PAK1IP1: variants seen among roughly 807,000 people sequenced by gnomAD.
The protein encoded by PAK1IP1 is PAK1 interacting protein 1.
In PAK1IP1, 24 loss-of-function variants were observed where a neutral mutation model predicts 42.0. That is an observed-to-expected ratio of 0.57 (90% CI 0.41 to 0.80). PAK1IP1 has a LOEUF of 0.80. Among genes scored for constraint, PAK1IP1 ranks in the 30% least tolerant of loss-of-function variants. The probability of loss-of-function intolerance (pLI) is 0.00; values close to 1 mark genes in which losing one functional copy is unlikely to be tolerated. For missense variants in PAK1IP1, 411 were observed against 467.9 expected (o/e 0.88, Z 1.12); for synonymous variants, 154 against 156.7 (o/e 0.98, Z 0.13).
At chr6:10,704,959 A>G (rs1770155611) in intron 7 of PAK1IP1, 115 bp downstream of exon 7, 11 of 712,358 alleles carry the variant, frequency 1.5e-5, no homozygotes, top group South Asian at 1.4e-4. Flanking sequence ...AATCAGACAT[A>G]TCTACATGTA....
At position 10,702,505 on chromosome 6, in the gene PAK1IP1, TC is replaced by T. The variant is rs763018689; in HGVS notation, c.368+19del. ...AAGCTCACAAGTGAGTCGGGCTCTT[TC>T]CCTTTGGCATTCTCGATGTGCCAGT... On this transcript the variant is annotated intron_variant, in intron 3 of 9. Transcript: ENST00000379568. The T allele has an allele frequency of 1.2e-6, 2 of 1,614,036 alleles. No individual in the cohort carries two copies. Among genetic ancestry groups the T allele is most frequent in the Non-Finnish European group, 1.7e-6 (2 of 1,180,040 alleles).
intron 5 of PAK1IP1, 21 bp from the exon 6 acceptor site, chr6:10,704,486 T>G (rs1404167096): frequency 4.8e-6 from 7 of 1,461,280 alleles, no homozygotes; most frequent in Non-Finnish European, 6.5e-6. Context: ...ATAAATAAAC[T>G]TCGTTTTTTT....
At chr6:10,691,835 T>G (rs529002628), upstream of PAK1IP1, among the ~76,000 whole-genome samples, 21 of 151,452 alleles carry the variant, frequency 1.4e-4, no homozygotes, top group South Asian at 1.0e-3. Flanking sequence ...AGTTTTGGGG[T>G]TTTTTTTTCT....
chr6:10,694,901 GTGT>G (rs1769735102), upstream of PAK1IP1: 4 of 812,478 alleles, frequency 4.9e-6, no homozygotes, highest in East Asian at 2.5e-5. Flanking sequence ...AAGGAGTCAG[GTGT>G]TTTTTTTTTT....
upstream of PAK1IP1, chr6:10,694,910 T>G (rs879133674): frequency 1.9e-4 from 169 of 903,322 alleles, no homozygotes; most frequent in East Asian, 1.1e-3. Context: ...GGTGTTTTTT[T>G]TTTTTTTTTT....
At chr6:10,707,556 C>G (rs752915662) in intron 8 of PAK1IP1, 42 bp downstream of exon 8, 2 of 1,234,546 alleles carry the variant, frequency 1.6e-6, no homozygotes, top group Non-Finnish European at 2.4e-6. Context: ...TAATACAAGT[C>G]TTGCTCATAA....
chr6:10,709,509 C>G lies in PAK1IP1; in HGVS notation c.*57C>G, dbSNP rs1295335003. 1 of 1,167,200 alleles carries G rather than the reference C, an allele frequency of 8.6e-7. No individual in the cohort carries two copies. Among genetic ancestry groups the G allele is most frequent in the Non-Finnish European group, 1.1e-6 (1 of 880,930 alleles). The allele number at this position is 1,167,200 out of a possible 1,614,324, so 72.3% of individuals were successfully genotyped here. A position where few individuals can be genotyped will look rare whatever the true frequency, so the allele number is the denominator to read the frequency against. ...GATGAAATCATTCTACTCAAATGTA[C>G]CTTAATTTTTTTTTTTTCCCTGAGT... On this transcript the variant is annotated 3_prime_UTR_variant, in exon 10 of 10. Coordinates refer to ENST00000379568, the MANE Select transcript of PAK1IP1 (RefSeq NM_017906.3).
rs753133647 is a variant in PAK1IP1 at position 10,703,407 on chromosome 6, C to T, written c.446C>T (p.Thr149Met). The T allele has an allele frequency of 1.2e-5, 20 of 1,609,328 alleles. No homozygotes were observed. The highest frequency in any genetic ancestry group is 1.6e-4 in the Middle Eastern group (1 of 6,068). ...TAAGTGAGCTTCCTGTTTTGCAGAA[C>T]GTGGAATCTTGTAGAAGGAAGATCA... Reference protein sequence around the residue: ...LSVGTDKTLRTWNLVEGRSAF... With the variant: ...LSVGTDKTLRMWNLVEGRSAF... The change falls in exon 5 of 10, where the codon ACG (threonine) becomes ATG (methionine). Residue 149 changes from threonine to methionine, a missense_variant and splice_region_variant. Transcript: ENST00000379568.
In PAK1IP1 at chr6:10,697,418, A is replaced by G. The variant is rs139672454; in HGVS notation, c.179A>G (p.Lys60Arg). 6.2e-7 allele frequency: 1 copy of G among 1,613,970 alleles called. No individual in the cohort carries two copies. Among genetic ancestry groups the G allele is most frequent in the African/African-American group, 1.3e-5 (1 of 74,918 alleles). ...AGTCGTTTTGTGGTCACTGGGAGCA[A>G]AGATGAAACAATTCACATTTATGAC... Reference protein sequence around the residue: ...VNSRFVVTGSKDETIHIYDMK... With the variant: ...VNSRFVVTGSRDETIHIYDMK... Residue 60 changes from lysine (K) to arginine (R), a missense_variant, in exon 2 of 10, where the codon AAA (lysine) becomes AGA (arginine). Physicochemically the swap from Lys to Arg is conservative, Grantham distance 26 (BLOSUM62 2). Transcript: ENST00000379568.
Position 10,704,847 on chromosome 6 carries a change from A to AT in PAK1IP1, c.740+8dup, listed in dbSNP as rs773827629. ...GAATTTAAAGCTCATGAAAACAGGT[A>AT]TTTTTACCAATCTTTGGTGTATATG... On this transcript the variant is annotated splice_donor_region_variant and intron_variant, in intron 7 of 9. Coordinates refer to ENST00000379568, the MANE Select transcript of PAK1IP1 (RefSeq NM_017906.3). 1.0e-5 allele frequency: 16 copies of AT among 1,564,800 alleles called. No individual in the cohort carries two copies. Among genetic ancestry groups the AT allele is most frequent in the Middle Eastern group, 1.7e-4 (1 of 5,984 alleles).
chr6:10,695,822 G>A (rs1037955810), intron 1 of PAK1IP1, among the ~76,000 whole-genome samples: 1 of 152,046 alleles, frequency 6.6e-6, no homozygotes, highest in African/African-American at 2.4e-5. Context: ...TCAAGGCGTC[G>A]GTCTTTAATT....
intron 2 of PAK1IP1, among the ~76,000 whole-genome samples, chr6:10,701,514 A>G (rs1170394429): frequency 6.6e-6 from 1 of 152,222 alleles, no homozygotes; most frequent in Non-Finnish European, 1.5e-5. Context: ...GCTAATAGAT[A>G]AGCTTTTTTC....
At chr6:10,699,438 GC>G (rs1695069558) in intron 2 of PAK1IP1, among the ~76,000 whole-genome samples, 1 of 152,100 alleles carries the variant, frequency 6.6e-6, no homozygotes, top group African/African-American at 2.4e-5. Flanking sequence ...TGCAGGGGAG[GC>G]AAAGGTCACT....
chr6:10,698,451 A>G (rs1307809338), intron 2 of PAK1IP1, among the ~76,000 whole-genome samples: 1 of 152,254 alleles, frequency 6.6e-6, no homozygotes, highest in African/African-American at 2.4e-5. Context: ...ACCTGGGCCT[A>G]GAGCCCATGC....
chr6:10,695,145 G>T, intron 1 of PAK1IP1, 76 bp downstream of exon 1: 1 of 846,530 alleles, frequency 1.2e-6, no homozygotes, highest in South Asian at 1.4e-5. Flanking sequence ...CAGCAGAGGT[G>T]AACATTGGAG....
At chr6:10,695,875 GTTTAT>G (rs147027204) in intron 1 of PAK1IP1, among the ~76,000 whole-genome samples, 7,178 of 152,086 alleles carry the variant, frequency 0.047, 545 homozygotes, top group African/African-American at 0.16. Context: ...TATTGCTTTC[GTTTAT>G]TTTGTTTCCT....
Position 10,697,347 on chromosome 6 carries a change from C to T in PAK1IP1, c.108C>T (p.Phe36=), listed in dbSNP as rs369987329. The T allele has an allele frequency of 6.2e-7, 1 of 1,613,948 alleles. No individual in the cohort carries two copies. ...DHEQWTLVAD[F]THHAHTASLS... is the part of the protein sequence containing the mutation. ...AGCAATGGACTCTTGTGGCTGACTT[C>T]ACTCACCATGCTCACACTGCCTCCT... The change falls in exon 2 of 10, where the codon TTC becomes TTT. Residue 36 remains phenylalanine, a synonymous_variant. Transcript: ENST00000379568.
At chr6:10,702,721 A>G in intron 4 of PAK1IP1, 82 bp downstream of exon 4, 5 of 997,342 alleles carry the variant, frequency 5.0e-6, no homozygotes, top group South Asian at 2.6e-5. Flanking sequence ...ACTGTTATAC[A>G]AGGGAAAGGT....
chr6:10,707,214 G>A (rs1581586877), intron 7 of PAK1IP1, among the ~76,000 whole-genome samples: 2 of 152,178 alleles, frequency 1.3e-5, no homozygotes, highest in Non-Finnish European at 2.9e-5. Context: ...GGTTGGCAGT[G>A]GATTTTATCT....
Sources: gnomAD v4.1 joint callset for allele counts (sites outside exome capture counted in the v4.1 genomes callset) on GRCh38, gnomAD v4.1.1 for gene constraint, MANE v1.5 for transcripts, NCBI Gene and HGNC (gene_info 2026-07-23, HGNC 2026-07-21) for gene names.